The following CNTN3 variants were observed in gnomAD, a reference collection of about 807,000 sequenced individuals.
The protein encoded by CNTN3 is contactin 3, also known as contactin-3.
A neutral mutation model predicts 119.1 loss-of-function variants in CNTN3; 60 were observed. The ratio of observed to expected loss-of-function variants is 0.50; its 90% CI spans 0.41 to 0.62. The LOEUF (loss-of-function observed/expected upper bound fraction) is 0.62, where lower values mean the gene tolerates loss of function less well. Among genes scored for constraint, CNTN3 ranks in the 20% least tolerant of loss-of-function variants. The pLI is 0.00. For synonymous variants in CNTN3, 450 were observed against 438.7 expected (o/e 1.03, Z -0.32); for missense variants, 1,101 against 1,242.4 (o/e 0.89, Z 1.71).
At chr3:74,576,791 T>C (rs539259768) in intron 1 of CNTN3, among the ~76,000 whole-genome samples, 4 of 152,284 alleles carry the variant, frequency 2.6e-5, no homozygotes, top group East Asian at 1.9e-4. Context: ...ACTGTTTTTT[T>C]ACTAGTGCAT....
intron 22 of CNTN3, among the ~76,000 whole-genome samples, chr3:74,264,728 T>C (rs112526949): frequency 1.5e-3 from 232 of 152,236 alleles, no homozygotes; most frequent in African/African-American, 4.5e-3. Context: ...ATTAAGTTTC[T>C]GTTGTTTATA....
chr3:74,580,346 CAT>C (rs1414714105), intron 1 of CNTN3, among the ~76,000 whole-genome samples: 1 of 152,096 alleles, frequency 6.6e-6, no homozygotes, highest in Non-Finnish European at 1.5e-5. Flanking sequence ...TCGTTCAAAA[CAT>C]AGAGGAAGAA....
At chr3:74,298,902 A>AAAG in intron 17 of CNTN3, among the ~76,000 whole-genome samples, 1 of 140,576 alleles carries the variant, frequency 7.1e-6, no homozygotes, top group African/African-American at 3.0e-5. Context: ...AAAAAAAAAA[A>AAAG]AAAAGGGAAG....
At chr3:74,447,234 G>T (rs1702064790) in intron 4 of CNTN3, among the ~76,000 whole-genome samples, 1 of 152,190 alleles carries the variant, frequency 6.6e-6, no homozygotes, top group African/African-American at 2.4e-5. Flanking sequence ...TGTACAGAAA[G>T]GAATACTGTT....
rs977626593 is a variant in CNTN3, at chr3:74,360,323, C to T, written c.1364+1567G>A. Reference sequence around the variant, plus strand: ...GACTCTATGACTTCAATGGCTGAGACCACCTCAAAGATTCTGGGCTCCCTG... The same window carrying T: ...GACTCTATGACTTCAATGGCTGAGATCACCTCAAAGATTCTGGGCTCCCTG... On this transcript the variant is annotated intron_variant, in intron 11 of 22. Transcript: ENST00000263665. Among the ~76,000 whole-genome samples the T allele has an allele frequency of 3.3e-5, 5 of 152,100 alleles. No individual in the cohort carries two copies. The South Asian group carries it at 6.2e-4, about 19-fold the overall frequency.
At chr3:74,423,460 C>A (rs977338520) in intron 5 of CNTN3, among the ~76,000 whole-genome samples, 1 of 152,118 alleles carries the variant, frequency 6.6e-6, no homozygotes, top group Non-Finnish European at 1.5e-5. Flanking sequence ...GCAGCTGGGG[C>A]AGACCAGGAA....
intron 5 of CNTN3, among the ~76,000 whole-genome samples, chr3:74,384,378 G>T (rs913464056): frequency 6.6e-6 from 1 of 152,200 alleles, no homozygotes; most frequent in Non-Finnish European, 1.5e-5. Context: ...CCGCCAACAT[G>T]ATAAAACGCT....
intron 4 of CNTN3, among the ~76,000 whole-genome samples, chr3:74,463,015 C>A (rs891994844): frequency 6.6e-6 from 1 of 152,110 alleles, no homozygotes; most frequent in Non-Finnish European, 1.5e-5. Flanking sequence ...CGATTAAGGG[C>A]AAGAAGCATG....
At chr3:74,407,078 T>C (rs531564552) in intron 5 of CNTN3, among the ~76,000 whole-genome samples, 5 of 152,246 alleles carry the variant, frequency 3.3e-5, no homozygotes, top group Admixed American at 1.3e-4. Context: ...TCTTTCATTC[T>C]CTCTTACAAT....
chr3:74,353,980 A>G (rs1030092222), intron 11 of CNTN3, among the ~76,000 whole-genome samples: 1 of 151,998 alleles, frequency 6.6e-6, no homozygotes, highest in African/African-American at 2.4e-5. Flanking sequence ...GCAAGCAGTG[A>G]TCACTATTTT....
At chr3:74,390,792 TAA>T (rs1171192805) in intron 5 of CNTN3, among the ~76,000 whole-genome samples, 2 of 152,118 alleles carry the variant, frequency 1.3e-5, no homozygotes, top group Non-Finnish European at 2.9e-5. Flanking sequence ...AATGGGATAA[TAA>T]AAGATTTAGC....
chr3:74,534,579 T>C (rs892039888), intron 1 of CNTN3, among the ~76,000 whole-genome samples: 19 of 152,036 alleles, frequency 1.2e-4, no homozygotes. Context: ...CTTAAACAAA[T>C]GAAGTAGAAT....
At chr3:74,354,695 T>G (rs1703896839) in intron 11 of CNTN3, among the ~76,000 whole-genome samples, 1 of 152,078 alleles carries the variant, frequency 6.6e-6, no homozygotes, top group Non-Finnish European at 1.5e-5. Flanking sequence ...TATTGGACTG[T>G]ATAATACCAA....
At chr3:74,384,656 T>C (rs927587790) in intron 5 of CNTN3, among the ~76,000 whole-genome samples, 16 of 152,230 alleles carry the variant, frequency 1.1e-4, no homozygotes, top group Middle Eastern at 3.2e-3. Flanking sequence ...CAATTCTTTT[T>C]CTTAATATTA....
In CNTN3 at chr3:74,542,068, G is replaced by GA. The variant is rs1553679839; in HGVS notation, c.-80-20877dup. On this transcript the variant is annotated intron_variant, in intron 1 of 22. Coordinates refer to ENST00000263665, the MANE Select transcript of CNTN3 (RefSeq NM_020872.3). Reference sequence around the variant, plus strand: ...GACAACATAGCAAGACTCTGTCTCTGAAAAAAAAATTAAAAATTAGCCAGG... The same window carrying GA: ...GACAACATAGCAAGACTCTGTCTCTGAAAAAAAAAATTAAAAATTAGCCAGG... Among the ~76,000 whole-genome samples, 18 of 151,046 alleles carry GA rather than the reference G, an allele frequency of 1.2e-4. No homozygotes were observed. In the South Asian group the frequency reaches 2.3e-3, roughly 19 times the overall value.
At chr3:74,391,818 C>T (rs564176673) in intron 5 of CNTN3, among the ~76,000 whole-genome samples, 22 of 151,960 alleles carry the variant, frequency 1.4e-4, no homozygotes, top group East Asian at 1.4e-3. Flanking sequence ...CCACCACGCC[C>T]GGCTAATTTT....
chr3:74,413,756 T>C lies in CNTN3; in HGVS notation c.454+11089A>G, dbSNP rs193066384. 7.9e-5 allele frequency among the ~76,000 whole-genome samples: 12 copies of C among 152,282 alleles called. No homozygotes were observed. In the East Asian group the frequency reaches 2.3e-3, roughly 29 times the overall value. On this transcript the variant is annotated intron_variant, in intron 5 of 22. Coordinates refer to ENST00000263665, the MANE Select transcript of CNTN3 (RefSeq NM_020872.3). ...AAACTTCATGCATGATTCATTCCAC[T>C]CTTACCTTTAACCCTGGTACCATTT...
At chr3:74,516,576 G>A (rs556407982) in intron 2 of CNTN3, among the ~76,000 whole-genome samples, 1 of 150,786 alleles carries the variant, frequency 6.6e-6, no homozygotes, top group Admixed American at 6.6e-5. Context: ...TCAACAGTAG[G>A]CTCTAAGTAT....
chr3:74,549,824 G>T (rs996437309), intron 1 of CNTN3, among the ~76,000 whole-genome samples: 2 of 152,156 alleles, frequency 1.3e-5, no homozygotes, highest in Non-Finnish European at 2.9e-5. Flanking sequence ...CGAGCAAGAG[G>T]TAAATGCATT....
Sources: allele counts gnomAD v4.1 joint callset (sites outside exome capture counted in the v4.1 genomes callset), GRCh38; gene constraint gnomAD v4.1.1; transcripts MANE v1.5; gene names NCBI Gene and HGNC (gene_info 2026-07-23, HGNC 2026-07-21).